PIH1D2: variants seen among roughly 807,000 people sequenced by gnomAD.
The protein encoded by PIH1D2 is PIH1 domain-containing protein 2.
In PIH1D2, 25 loss-of-function variants were observed where a neutral mutation model predicts 31.2. The ratio of observed to expected loss-of-function variants is 0.80; its 90% CI spans 0.58 to 1.12. The LOEUF is 1.12. Among genes scored for constraint, PIH1D2 ranks in the 50% most tolerant of loss-of-function variants. The pLI is 0.00. For synonymous variants in PIH1D2, 116 were observed against 119.9 expected (o/e 0.97, Z 0.21); for missense variants, 310 against 356.6 (o/e 0.87, Z 1.05).
intron 4 of PIH1D2, 68 bp downstream of exon 4, chr11:112,070,970 C>T (rs782591898): frequency 2.5e-5 from 37 of 1,496,336 alleles, no homozygotes; most frequent in Admixed American, 7.0e-5. Flanking sequence ...TTCTAGTTTG[C>T]AAAATGTATA....
downstream of PIH1D2, among the ~76,000 whole-genome samples, chr11:112,065,059 C>G (rs1555183698): frequency 6.6e-6 from 1 of 151,982 alleles, no homozygotes; most frequent in African/African-American, 2.4e-5. Context: ...CCAGGATGGT[C>G]TCTATCTCCT....
chr11:112,071,228 TTC>T lies in PIH1D2; in HGVS notation c.355_356del (p.Glu119LysfsTer18), dbSNP rs782368564. On this transcript the variant is annotated frameshift_variant, in exon 4 of 6. Coordinates refer to ENST00000280350, the MANE Select transcript of PIH1D2 (RefSeq NM_138789.4). LOFTEE classifies it high-confidence loss of function. Reference sequence around the variant, plus strand: ...ACTGATTTTTTTTCACTTGGTCCTTTTCTGCTGCATGAAGAACATCAGGATTG... The same window carrying T: ...ACTGATTTTTTTTCACTTGGTCCTTTTGCTGCATGAAGAACATCAGGATTG... ...AYNPDVLHAAEKDQVKKNQLI... is the reference protein window; with the variant it reads ...AYNPDVLHAAXKDQVKKNQLI... 36 of 1,613,740 alleles carry T rather than the reference TTC, an allele frequency of 2.2e-5. No individual in the cohort carries two copies. The highest frequency in any genetic ancestry group is 3.0e-5 in the Non-Finnish European group (35 of 1,179,854).
chr11:112,068,998 GT>G (rs1250203455), intron 5 of PIH1D2, among the ~76,000 whole-genome samples: 35 of 79,334 alleles, frequency 4.4e-4, no homozygotes, highest in East Asian at 2.3e-3. Flanking sequence ...TTTTTTTTTT[GT>G]TTTTTTTTTT....
chr11:112,061,893 T>G (rs111562424), downstream of PIH1D2, among the ~76,000 whole-genome samples: 6,199 of 152,228 alleles, frequency 0.041, 406 homozygotes, highest in African/African-American at 0.14. Flanking sequence ...AGAGTCTCAG[T>G]TTTATATATA....
chr11:112,053,734 T>A, the PIH1D2 span, among the ~76,000 whole-genome samples: 1 of 152,158 alleles, frequency 6.6e-6, no homozygotes, highest in Admixed American at 6.5e-5. Flanking sequence ...ATCACAGGTG[T>A]GAGCTACCAC....
downstream of PIH1D2, among the ~76,000 whole-genome samples, chr11:112,067,373 A>G (rs1201504780): frequency 6.6e-6 from 1 of 151,534 alleles, no homozygotes. Flanking sequence ...GTTAAAAAAT[A>G]TAAGACATGG....
downstream of PIH1D2, chr11:112,064,115 C>G (rs1864804233): frequency 2.2e-6 from 3 of 1,384,260 alleles, no homozygotes; most frequent in Non-Finnish European, 2.9e-6. Flanking sequence ...CCAAAAGAAA[C>G]AAGCTTATCA....
At chr11:112,057,635 T>C in the PIH1D2 span, among the ~76,000 whole-genome samples, 1 of 152,198 alleles carries the variant, frequency 6.6e-6, no homozygotes, top group African/African-American at 2.4e-5. Flanking sequence ...TTCAATTCTT[T>C]GAAGGCTGAT....
At position 112,070,545 on chromosome 11, in the gene PIH1D2, T is replaced by C. The variant is rs1865075850; in HGVS notation, c.704A>G (p.Tyr235Cys). ...EIQVEMKMPA[Y>C]ELKIVHDHSE... is the part of the protein sequence containing the mutation. The stretch of plus-strand genomic sequence containing the variant: ...GTGATCATGCACAATTTTTAGTTCA[T>C]AGGCTGGCATCTTCATCTCCACCTG... The change falls in exon 5 of 6, where the codon TAT becomes TGT. Residue 235 changes from tyrosine to cysteine, a missense_variant. Tyr to Cys is a radical substitution (Grantham distance 194, BLOSUM62 -2). Transcript: ENST00000280350. The C allele has an allele frequency of 1.9e-6, 3 of 1,614,078 alleles. No homozygotes were observed. The highest frequency in any genetic ancestry group is 1.1e-5 in the South Asian group (1 of 91,088).
At position 112,070,548 on chromosome 11, in the gene PIH1D2, GC is replaced by G. The variant is rs782802773; in HGVS notation, c.700del (p.Ala234ProfsTer4). The G allele has an allele frequency of 6.2e-7, 1 of 1,614,092 alleles. No individual in the cohort carries two copies. The highest frequency in any genetic ancestry group is 8.5e-7 in the Non-Finnish European group (1 of 1,180,030). ...TEIQVEMKMPAYELKIVHDHS... is the reference protein window; with the variant it reads ...TEIQVEMKMPXYELKIVHDHS... ...ATCATGCACAATTTTTAGTTCATAG[GC>G]TGGCATCTTCATCTCCACCTGGATT... On this transcript the variant is annotated frameshift_variant, in exon 5 of 6. Coordinates refer to ENST00000280350, the MANE Select transcript of PIH1D2 (RefSeq NM_138789.4). LOFTEE classifies it high-confidence loss of function.
chr11:112,063,855 G>A (rs1380353065), downstream of PIH1D2: 4 of 203,524 alleles, frequency 2.0e-5, no homozygotes, highest in Non-Finnish European at 3.9e-5. Context: ...TTTAATAAAC[G>A]TTTGAAATTA....
the PIH1D2 span, among the ~76,000 whole-genome samples, chr11:112,057,889 G>A: frequency 6.6e-6 from 1 of 152,182 alleles, no homozygotes; most frequent in Non-Finnish European, 1.5e-5. Flanking sequence ...TAGCAATAAA[G>A]TATTTTTAAA....
the PIH1D2 span, among the ~76,000 whole-genome samples, chr11:112,055,848 CTTTTTTTTTTTTTTTT>C: frequency 2.7e-3 from 87 of 31,972 alleles, 1 homozygote; most frequent in Admixed American, 5.8e-3. Context: ...CATATAGACA[CTTTTTTTTTTTTTTTT>C]TTTTTTTTTT....
intron 5 of PIH1D2, 66 bp from the exon 6 acceptor site, chr11:112,068,071 A>T: frequency 9.0e-7 from 1 of 1,105,712 alleles, no homozygotes; most frequent in Non-Finnish European, 1.3e-6. Context: ...TATTGTTCCC[A>T]GTTATTCACT....
downstream of PIH1D2, among the ~76,000 whole-genome samples, chr11:112,058,586 G>A (rs587609401): frequency 1.1e-4 from 14 of 123,952 alleles, no homozygotes; most frequent in African/African-American, 4.0e-4. Context: ...ATGAATCCAT[G>A]AGCTTGTGAA....
chr11:112,067,562 G>A (rs1555183961), downstream of PIH1D2, among the ~76,000 whole-genome samples: 1 of 147,520 alleles, frequency 6.8e-6, no homozygotes, highest in Non-Finnish European at 1.5e-5. Context: ...CTACTCGGGA[G>A]GCTGAGGCAG....
chr11:112,068,282 A>C (rs1864999922), intron 5 of PIH1D2, among the ~76,000 whole-genome samples: 1 of 152,188 alleles, frequency 6.6e-6, no homozygotes. Context: ...TGGAGCCTGG[A>C]AAGGTAGTGA....
chr11:112,060,158 ATTTTTTTT>A (rs782188808), downstream of PIH1D2: 23 of 568,674 alleles, frequency 4.0e-5, no homozygotes, highest in Non-Finnish European at 5.9e-5. Flanking sequence ...CTGTCACGTA[ATTTTTTTT>A]TTTTTTTTTT....
chr11:112,070,621 C>G lies in PIH1D2; in HGVS notation c.628G>C (p.Val210Leu), dbSNP rs782484279. Residue 210 changes from valine to leucine, a missense_variant, in exon 5 of 6, where the codon GTT becomes CTT. Coordinates refer to ENST00000280350, the MANE Select transcript of PIH1D2 (RefSeq NM_138789.4). Reference protein sequence around the residue: ...FPQLLLPKDQVSGKAVCLIEE... With the variant: ...FPQLLLPKDQLSGKAVCLIEE... ...ATCAGACACACTGCTTTGCCTGAAA[C>G]TTGGTCTTTTGGCAGTAACAGTTGA... 6.2e-6 allele frequency: 10 copies of G among 1,614,064 alleles called. No individual in the cohort carries two copies. Among genetic ancestry groups the G allele is most frequent in the Non-Finnish European group, 7.6e-6 (9 of 1,180,012 alleles).
Sources: gnomAD v4.1 joint callset for allele counts (sites outside exome capture counted in the v4.1 genomes callset) on GRCh38, gnomAD v4.1.1 for gene constraint, MANE v1.5 for transcripts, NCBI Gene and HGNC (gene_info 2026-07-23, HGNC 2026-07-21) for gene names.